Variants in RASA3 observed in about 807,000 individuals in gnomAD.
RASA3 encodes ras GTPase-activating protein 3.
A neutral mutation model predicts 110.0 loss-of-function variants in RASA3; 73 were observed. The observed-to-expected ratio is 0.66, with a 90% CI of 0.55 to 0.81. The LOEUF (loss-of-function observed/expected upper bound fraction) is 0.81, where lower values mean the gene tolerates loss of function less well. Ranked by LOEUF, RASA3 falls within the 30% of genes least tolerant of loss-of-function variation. The probability of loss-of-function intolerance (pLI) is 0.00; values close to 1 mark genes in which losing one functional copy is unlikely to be tolerated. For missense variants in RASA3, 976 were observed against 1,113.2 expected (o/e 0.88, Z 1.75); for synonymous variants, 500 against 451.4 (o/e 1.11, Z -1.37).
intron 4 of RASA3, among the ~76,000 whole-genome samples, chr13:114,038,937 TC>T (rs1030936873): frequency 2.1e-4 from 32 of 152,340 alleles, no homozygotes; most frequent in African/African-American, 7.0e-4. Flanking sequence ...TGGGGATTTG[TC>T]CAGGATGCCA....
intron 1 of RASA3, among the ~76,000 whole-genome samples, chr13:114,110,949 G>C (rs2080209720): frequency 6.6e-6 from 1 of 151,792 alleles, no homozygotes; most frequent in South Asian, 2.1e-4. Context: ...GGTCAGGAAA[G>C]ACATCGCCAG....
At chr13:114,122,799 C>CGAGTGAGGGACGCAGCTAGGA (rs1555345093) in intron 1 of RASA3, among the ~76,000 whole-genome samples, 1 of 152,228 alleles carries the variant, frequency 6.6e-6, no homozygotes, top group African/African-American at 2.4e-5. Flanking sequence ...AGGTCGGCCC[C>CGAGTGAGGGACGCAGCTAGGA]AGCCCTGACT....
rs1240021759 is a variant in RASA3, at chr13:114,054,429, T to TGCCCGGAGCCCAGGTGGGAGGG, written c.174-2296_174-2275dup. On this transcript the variant is annotated intron_variant, in intron 2 of 23. Transcript: ENST00000334062. ...CAAACCTGGGGCGGGCGACTGTTGC[T>TGCCCGGAGCCCAGGTGGGAGGG]GCCCGGAGCCCAGGTGGGAGGGGCC... Among the ~76,000 whole-genome samples, 21 of 147,082 alleles carry TGCCCGGAGCCCAGGTGGGAGGG rather than the reference T, an allele frequency of 1.4e-4. 1 individual carries two copies. The highest frequency in any genetic ancestry group is 2.1e-4 in the South Asian group (1 of 4,766).
At chr13:114,019,170 G>A (rs1017709301) in intron 9 of RASA3, among the ~76,000 whole-genome samples, 7 of 152,180 alleles carry the variant, frequency 4.6e-5, no homozygotes, top group African/African-American at 1.7e-4. Flanking sequence ...GGGGATGGGG[G>A]TGGAACGTGG....
chr13:113,981,407 G>A (rs1360880544), intron 23 of RASA3, among the ~76,000 whole-genome samples: 1 of 152,242 alleles, frequency 6.6e-6, no homozygotes, highest in Non-Finnish European at 1.5e-5. Context: ...CAGAGAGGCT[G>A]GGAGGAAGCA....
rs1179885226 is a variant in RASA3, at chr13:113,995,854, GGGCCCGGCTGATGGGGA to G, written c.2141+660_2141+676del. On this transcript the variant is annotated intron_variant, in intron 21 of 23. Coordinates refer to ENST00000334062, the MANE Select transcript of RASA3 (RefSeq NM_007368.4). ...GCTGACGGGGGGCCCGGCTGACGGG[GGGCCCGGCTGATGGGGA>G]GGCCCGGCTGATGGGGAGGCCCGGC... Among the ~76,000 whole-genome samples the G allele has an allele frequency of 1.5e-4, 9 of 61,988 alleles. 1 individual carries two copies. The highest frequency in any genetic ancestry group is 2.5e-4 in the Non-Finnish European group (8 of 32,332). The allele number at this position is 61,988 out of a possible 152,430, so 40.7% of individuals were successfully genotyped here. A position where few individuals can be genotyped will look rare whatever the true frequency, so the allele number is the denominator to read the frequency against.
Position 114,017,303 on chromosome 13 carries a change from G to T in RASA3, c.1140C>A (p.Ile380=). The T allele has an allele frequency of 6.2e-7, 1 of 1,613,928 alleles. No individual in the cohort carries two copies. The highest frequency in any genetic ancestry group is 8.5e-7 in the Non-Finnish European group (1 of 1,180,014). ...TCCCCGCCAGCTTCATGGTCTCGTC[G>T]ATGCACTTGGACGCCAGTGAGTTTC... ...FRGNSLASKC[I]DETMKLAGMH... The change falls in exon 12 of 24, where the codon ATC becomes ATA. Residue 380 remains isoleucine (I), a synonymous_variant. Transcript: ENST00000334062.
At chr13:114,031,563 T>C (rs1222876226) in intron 4 of RASA3, among the ~76,000 whole-genome samples, 1 of 152,038 alleles carries the variant, frequency 6.6e-6, no homozygotes. Context: ...TCCGCCTGTC[T>C]GTACATGCGA....
intron 7 of RASA3, among the ~76,000 whole-genome samples, chr13:114,025,531 T>C (rs1019217047): frequency 6.6e-6 from 1 of 152,206 alleles, no homozygotes; most frequent in African/African-American, 2.4e-5. Flanking sequence ...TCGGGAGCTA[T>C]TGTAGGGGCT....
At chr13:114,108,791 G>A (rs983126302) in intron 1 of RASA3, 1 of 152,214 alleles carries the variant, frequency 6.6e-6, no homozygotes, top group African/African-American at 2.4e-5. Context: ...CCTGTGTCTG[G>A]GTCCCAGCCC....
chr13:113,980,166 C>G (rs1007632547), intron 23 of RASA3, among the ~76,000 whole-genome samples: 1 of 144,542 alleles, frequency 6.9e-6, no homozygotes, highest in Non-Finnish European at 1.5e-5. Context: ...CACCTCCTCC[C>G]ACGTGTGTGC....
chr13:114,115,514 C>A lies in RASA3; in HGVS notation c.55+16921G>T, dbSNP rs757681994. On this transcript the variant is annotated intron_variant, in intron 1 of 23. Transcript: ENST00000334062. This position sits in a 1 kb window ranked among gnomAD's most constrained non-coding sequence, Gnocchi z 5.0. ...TGATTCATTAATACTCACTTCCTGTCGCAAGAGACTCATGCCCTAGAGATA... is the reference window on the plus strand; with the variant it reads ...TGATTCATTAATACTCACTTCCTGTAGCAAGAGACTCATGCCCTAGAGATA... Among the ~76,000 whole-genome samples the A allele has an allele frequency of 6.6e-6, 1 of 152,216 alleles. No homozygotes were observed. Among genetic ancestry groups the A allele is most frequent in the Non-Finnish European group, 1.5e-5 (1 of 68,044 alleles).
intron 8 of RASA3, among the ~76,000 whole-genome samples, 170 bp from the exon 9 acceptor site, chr13:114,021,678 T>C (rs990650311): frequency 6.6e-6 from 1 of 152,140 alleles, no homozygotes; most frequent in Non-Finnish European, 1.5e-5. Context: ...CAGACCAGCC[T>C]GTGGCTTTGG....
chr13:114,124,085 T>C (rs1170601626), intron 1 of RASA3, among the ~76,000 whole-genome samples: 1 of 152,096 alleles, frequency 6.6e-6, no homozygotes, highest in Non-Finnish European at 1.5e-5. Flanking sequence ...CGGCACGGTG[T>C]CTCTCGGGAC....
intron 1 of RASA3, among the ~76,000 whole-genome samples, chr13:114,080,617 G>T (rs1448343999): frequency 7.8e-6 from 1 of 127,472 alleles, no homozygotes; most frequent in Non-Finnish European, 1.7e-5. Flanking sequence ...GGCAGGAGGG[G>T]TCCTAGAAGG....
At chr13:114,000,987 G>T in intron 18 of RASA3, 55 bp from the exon 19 acceptor site, 1 of 1,208,754 alleles carries the variant, frequency 8.3e-7, no homozygotes, top group South Asian at 1.2e-5. Flanking sequence ...TCCCTGCACA[G>T]GTGAAAAACC....
intron 22 of RASA3, among the ~76,000 whole-genome samples, chr13:113,991,764 G>C (rs191838655): frequency 2.6e-5 from 4 of 152,218 alleles, no homozygotes; most frequent in African/African-American, 9.6e-5. Context: ...GAATTAGATG[G>C]CATGTGTGTA....
intron 22 of RASA3, among the ~76,000 whole-genome samples, chr13:113,990,354 T>G (rs2053078937): frequency 6.6e-6 from 1 of 152,170 alleles, no homozygotes; most frequent in Admixed American, 6.5e-5. Context: ...GAGGAAGAGC[T>G]GGAGCTGTGA....
At chr13:114,058,471 A>G (rs77770295) in intron 2 of RASA3, among the ~76,000 whole-genome samples, 5,566 of 152,380 alleles carry the variant, frequency 0.037, 134 homozygotes, top group Non-Finnish European at 0.06. Flanking sequence ...CGGAAAACAC[A>G]GAGACCATTT....
Sources: gnomAD v4.1 joint callset for allele counts (sites outside exome capture counted in the v4.1 genomes callset) on GRCh38, gnomAD v4.1.1 for gene constraint, Gnocchi (gnomAD v3.1) non-coding constraint, MANE v1.5 for transcripts, NCBI Gene and HGNC (gene_info 2026-07-23, HGNC 2026-07-21) for gene names.